FHIT: variants seen among roughly 807,000 people sequenced by gnomAD.
FHIT encodes the protein bis(5'-adenosyl)-triphosphatase.
FHIT carries 19 observed loss-of-function variants against 17.9 expected under a neutral mutation model. That is an observed-to-expected ratio of 1.06 (90% CI 0.74 to 1.56). The LOEUF (loss-of-function observed/expected upper bound fraction) is 1.56. Ranked by LOEUF, FHIT falls within the 40% of genes most tolerant of loss-of-function variation. The pLI is 0.00. For missense variants in FHIT, 248 were observed against 189.2 expected (o/e 1.31, Z -1.82); for synonymous variants, 81 against 69.7 (o/e 1.16, Z -0.81).
At chr3:60,897,258 A>G (rs1490275533) in intron 3 of FHIT, among the ~76,000 whole-genome samples, 2 of 152,202 alleles carry the variant, frequency 1.3e-5, no homozygotes, top group Non-Finnish European at 2.9e-5. Flanking sequence ...ACATATTTTC[A>G]TATACTTAAG....
intron 3 of FHIT, among the ~76,000 whole-genome samples, chr3:61,031,515 T>C (rs2033008912): frequency 6.6e-6 from 1 of 152,202 alleles, no homozygotes; most frequent in South Asian, 2.1e-4. Context: ...CAATTTTTTC[T>C]TTTTTACCCC....
intron 5 of FHIT, among the ~76,000 whole-genome samples, chr3:60,535,229 GAAC>G (rs1008132545): frequency 1.3e-5 from 2 of 151,894 alleles, no homozygotes; most frequent in African/African-American, 2.4e-5. Context: ...GCCTCAAAAG[GAAC>G]AACAACAAAA....
intron 5 of FHIT, among the ~76,000 whole-genome samples, chr3:60,083,686 G>A (rs1703381732): frequency 6.6e-6 from 1 of 152,274 alleles, no homozygotes; most frequent in East Asian, 1.9e-4. Flanking sequence ...CATATTTTAT[G>A]CTTTTCAGTA....
At chr3:60,641,156 G>A (rs1216864604) in intron 4 of FHIT, among the ~76,000 whole-genome samples, 1 of 152,020 alleles carries the variant, frequency 6.6e-6, no homozygotes. Flanking sequence ...CTCCGGCCTG[G>A]GCAACAGGAG....
intron 3 of FHIT, among the ~76,000 whole-genome samples, chr3:60,956,781 T>G (rs1553779036): frequency 6.6e-6 from 1 of 152,232 alleles, no homozygotes; most frequent in African/African-American, 2.4e-5. Context: ...GCCTCTCCAC[T>G]TTGGATATGT....
intron 3 of FHIT, among the ~76,000 whole-genome samples, chr3:60,901,534 T>C (rs1399398319): frequency 2.0e-5 from 3 of 152,182 alleles, no homozygotes. Context: ...ACACATCAAA[T>C]AAACATTGAC....
intron 3 of FHIT, among the ~76,000 whole-genome samples, chr3:60,964,547 G>A (rs1257237670): frequency 6.6e-6 from 1 of 152,100 alleles, no homozygotes; most frequent in African/African-American, 2.4e-5. Flanking sequence ...TTACAATTTG[G>A]CATGTTTTTG....
At chr3:60,616,631 G>T (rs973467085) in intron 4 of FHIT, among the ~76,000 whole-genome samples, 2 of 151,960 alleles carry the variant, frequency 1.3e-5, no homozygotes, top group African/African-American at 4.8e-5. Context: ...AAACGTGAAA[G>T]ATCTATATAA....
rs115657187 is a variant in FHIT at position 60,997,522 on chromosome 3, T to G, written c.-111+44525A>C. On this transcript the variant is annotated intron_variant, in intron 3 of 9. Transcript: ENST00000492590. The stretch of plus-strand genomic sequence containing the variant: ...GGAGTGTTGAGGGGGGTGTGGATGG[T>G]GCACTTTTCCTAGTCATCTCTGGAT... Among the ~76,000 whole-genome samples the G allele has an allele frequency of 4.2e-3, 638 of 152,178 alleles. 3 individuals carry two copies. Among genetic ancestry groups the G allele is most frequent in the African/African-American group, 0.014 (587 of 41,506 alleles).
chr3:61,023,634 C>G (rs1351661386), intron 3 of FHIT, among the ~76,000 whole-genome samples: 1 of 152,160 alleles, frequency 6.6e-6, no homozygotes, highest in Non-Finnish European at 1.5e-5. Flanking sequence ...CAGCATGATA[C>G]TGGTACCAAA....
At chr3:60,168,840 G>C (rs1006412137) in intron 5 of FHIT, among the ~76,000 whole-genome samples, 5 of 151,238 alleles carry the variant, frequency 3.3e-5, no homozygotes, top group African/African-American at 7.3e-5. Flanking sequence ...AGCATCTGAA[G>C]ATTCTTCCTT....
At chr3:61,059,401 A>T (rs1306194305) in intron 2 of FHIT, among the ~76,000 whole-genome samples, 1 of 139,074 alleles carries the variant, frequency 7.2e-6, no homozygotes, top group Non-Finnish European at 1.5e-5. Context: ...TTTTTGCCAG[A>T]AAGCAGTGAG....
chr3:60,318,582 G>T (rs1709273112), intron 5 of FHIT, among the ~76,000 whole-genome samples: 1 of 152,162 alleles, frequency 6.6e-6, no homozygotes, highest in Admixed American at 6.5e-5. Context: ...CATCAGAGGG[G>T]TCAAGACCAC....
At chr3:59,946,650 T>C (rs1706819276) in intron 7 of FHIT, among the ~76,000 whole-genome samples, 1 of 152,238 alleles carries the variant, frequency 6.6e-6, no homozygotes, top group Non-Finnish European at 1.5e-5. Context: ...ATGTTGGCTA[T>C]GGATTTGTCA....
intron 1 of FHIT, among the ~76,000 whole-genome samples, chr3:61,218,259 AAG>A (rs1219902096): frequency 6.6e-6 from 1 of 152,170 alleles, no homozygotes; most frequent in African/African-American, 2.4e-5. Flanking sequence ...AATCCTACAT[AAG>A]AGAGAGAACA....
chr3:61,112,025 C>G (rs1297140445), intron 2 of FHIT, among the ~76,000 whole-genome samples: 1 of 152,128 alleles, frequency 6.6e-6, no homozygotes, highest in African/African-American at 2.4e-5. Flanking sequence ...ACAGATACCC[C>G]TTTTTATAGA....
chr3:60,373,306 C>G (rs1053454113), intron 5 of FHIT, among the ~76,000 whole-genome samples: 1 of 152,080 alleles, frequency 6.6e-6, no homozygotes, highest in Non-Finnish European at 1.5e-5. Flanking sequence ...GAGAAAGTGA[C>G]GTTGAAGCTA....
At chr3:60,566,207 G>A (rs940887506) in intron 4 of FHIT, among the ~76,000 whole-genome samples, 1 of 152,136 alleles carries the variant, frequency 6.6e-6, no homozygotes, top group Non-Finnish European at 1.5e-5. Flanking sequence ...TCAGTGCGGT[G>A]CGGTGCTGAG....
chr3:60,858,618 AC>A (rs1471673765), intron 3 of FHIT, among the ~76,000 whole-genome samples: 1 of 152,132 alleles, frequency 6.6e-6, no homozygotes, highest in African/African-American at 2.4e-5. Context: ...AATGCCTTCC[AC>A]CCTTAAAAGG....
Sources: gnomAD v4.1 joint callset for allele counts (sites outside exome capture counted in the v4.1 genomes callset) on GRCh38, gnomAD v4.1.1 for gene constraint, MANE v1.5 for transcripts, NCBI Gene and HGNC (gene_info 2026-07-23, HGNC 2026-07-21) for gene names.